The following RIC1 variants were observed in gnomAD, a reference collection of about 807,000 sequenced individuals.
RIC1 encodes RIC1 partner of RAB6A GEF complex.
Under a neutral mutation model 169.0 loss-of-function variants are expected in RIC1, and 88 were observed. The observed-to-expected ratio is 0.52, with a 90% CI of 0.44 to 0.62. RIC1 has a LOEUF of 0.62. Among genes scored for constraint, RIC1 ranks in the 20% least tolerant of loss-of-function variants. RIC1 has a pLI of 0.00. For synonymous variants in RIC1, 790 were observed against 601.5 expected (o/e 1.31, Z -4.59); for missense variants, 1,877 against 1,725.5 (o/e 1.09, Z -1.56).
At chr9:5,723,655 T>A (rs1401890719) in intron 6 of RIC1, among the ~76,000 whole-genome samples, 1 of 152,214 alleles carries the variant, frequency 6.6e-6, no homozygotes, top group African/African-American at 2.4e-5. Context: ...CTGAATGGTA[T>A]TGTCTAGGTT....
chr9:5,701,753 T>C (rs978974508), intron 3 of RIC1, among the ~76,000 whole-genome samples: 2 of 152,196 alleles, frequency 1.3e-5, no homozygotes, highest in African/African-American at 4.8e-5. Flanking sequence ...GCATGTCAAA[T>C]CTATTATCTG....
intron 14 of RIC1, 133 bp downstream of exon 14, chr9:5,753,779 G>T: frequency 2.2e-6 from 1 of 464,516 alleles, no homozygotes; most frequent in African/African-American, 2.0e-5. Context: ...ATAAAAAAGT[G>T]ATATTGAATA....
intron 3 of RIC1, among the ~76,000 whole-genome samples, chr9:5,709,672 G>T (rs1370682652): frequency 1.3e-5 from 2 of 152,086 alleles, no homozygotes; most frequent in Non-Finnish European, 2.9e-5. Context: ...CTCTCTTCCA[G>T]TCATCTGATG....
chr9:5,652,275 C>G (rs958920727), intron 1 of RIC1, among the ~76,000 whole-genome samples: 4 of 152,192 alleles, frequency 2.6e-5, no homozygotes, highest in Non-Finnish European at 4.4e-5. Context: ...GTAGGGATTA[C>G]ATTGGATCTG....
chr9:5,702,250 G>A (rs1822265822), intron 3 of RIC1, among the ~76,000 whole-genome samples: 1 of 152,220 alleles, frequency 6.6e-6, no homozygotes, highest in Non-Finnish European at 1.5e-5. Flanking sequence ...TCTTTGTAAA[G>A]AGAGTAGCAT....
chr9:5,696,974 T>C (rs1821940805), intron 3 of RIC1, among the ~76,000 whole-genome samples: 1 of 152,206 alleles, frequency 6.6e-6, no homozygotes, highest in African/African-American at 2.4e-5. Context: ...TCCTAGGTCT[T>C]TAAGAAGGTC....
chr9:5,716,736 G>A (rs1229315470), intron 4 of RIC1, among the ~76,000 whole-genome samples: 1 of 152,238 alleles, frequency 6.6e-6, no homozygotes, highest in East Asian at 1.9e-4. Flanking sequence ...TTTTCTGAGG[G>A]AGGGGAGTCA....
Position 5,763,196 on chromosome 9 carries a change from G to A in RIC1, c.2169G>A (p.Thr723=), listed in dbSNP as rs774492982. ...AGTCTGTTGAAAATGTCTGGACAAC[G>A]TGTCGAGCAAATAAACAGAAACGTC... The part of the protein sequence containing the change: ...LAQSVENVWT[T]CRANKQKRHL... Residue 723 remains threonine (T), a synonymous_variant, in exon 19 of 26, where the codon ACG becomes ACA. Coordinates refer to ENST00000414202, the MANE Select transcript of RIC1 (RefSeq NM_020829.4). This position sits in a 1 kb window ranked among gnomAD's most constrained non-coding sequence, Gnocchi z 5.2. 24 of 1,614,070 alleles carry A rather than the reference G, an allele frequency of 1.5e-5. 1 individual carries two copies. In the South Asian group the frequency reaches 2.2e-4, roughly 15 times the overall value.
intron 8 of RIC1, 62 bp from the exon 9 acceptor site, chr9:5,742,807 A>AC: frequency 1.3e-5 from 19 of 1,445,048 alleles, no homozygotes; most frequent in Non-Finnish European, 1.8e-5. Flanking sequence ...TGAAAAAAAA[A>AC]AAAAAACAAG....
At chr9:5,643,429 G>A (rs939449974) in intron 1 of RIC1, among the ~76,000 whole-genome samples, 2 of 152,118 alleles carry the variant, frequency 1.3e-5, no homozygotes, top group African/African-American at 4.8e-5. Context: ...AGTAGTTTGA[G>A]CCTAGGAGGT....
intron 3 of RIC1, chr9:5,713,446 C>T (rs1021948182): frequency 1.3e-5 from 2 of 152,490 alleles, no homozygotes; most frequent in Admixed American, 6.5e-5. Flanking sequence ...TTCTGATTCA[C>T]ACCCAAAGAA....
At chr9:5,669,675 G>A (rs947738790) in intron 2 of RIC1, among the ~76,000 whole-genome samples, 20 of 152,244 alleles carry the variant, frequency 1.3e-4, no homozygotes, top group South Asian at 6.2e-4. Flanking sequence ...GGGGACTATC[G>A]CAGTATATAT....
At chr9:5,655,398 T>G (rs945152363) in intron 1 of RIC1, among the ~76,000 whole-genome samples, 8 of 152,094 alleles carry the variant, frequency 5.3e-5, no homozygotes, top group Non-Finnish European at 2.9e-5. Flanking sequence ...CCTCTCAGGT[T>G]CAAGTGATTC....
intron 2 of RIC1, among the ~76,000 whole-genome samples, chr9:5,685,134 A>T (rs1306375214): frequency 2.0e-5 from 3 of 151,722 alleles, no homozygotes; most frequent in African/African-American, 7.3e-5. Context: ...AGAGGATACA[A>T]ACAAATGGAA....
intron 6 of RIC1, among the ~76,000 whole-genome samples, chr9:5,725,575 C>T (rs1387237497): frequency 6.6e-6 from 1 of 152,004 alleles, no homozygotes; most frequent in African/African-American, 2.4e-5. Flanking sequence ...CTGCTCTGAT[C>T]TTAGTTATTT....
At chr9:5,718,477 G>C (rs1823401337) in intron 4 of RIC1, among the ~76,000 whole-genome samples, 1 of 152,180 alleles carries the variant, frequency 6.6e-6, no homozygotes, top group South Asian at 2.1e-4. Context: ...AAACAATACA[G>C]TAAGGAAGAA....
chr9:5,681,053 C>G (rs1820800322), intron 2 of RIC1, among the ~76,000 whole-genome samples: 1 of 151,512 alleles, frequency 6.6e-6, no homozygotes, highest in Non-Finnish European at 1.5e-5. Flanking sequence ...GTCTCGATCT[C>G]CTGACCTCGT....
At chr9:5,727,951 C>T (rs1020002073) in intron 6 of RIC1, among the ~76,000 whole-genome samples, 1 of 152,192 alleles carries the variant, frequency 6.6e-6, no homozygotes, top group Non-Finnish European at 1.5e-5. Context: ...TCAGTTGGCC[C>T]CTAATGGGAG....
At chr9:5,700,567 T>C (rs1822151748) in intron 3 of RIC1, among the ~76,000 whole-genome samples, 1 of 151,630 alleles carries the variant, frequency 6.6e-6, no homozygotes, top group Non-Finnish European at 1.5e-5. Flanking sequence ...CTTACGTATA[T>C]TAATGTATAT....
Sources: gnomAD v4.1 joint callset for allele counts (sites outside exome capture counted in the v4.1 genomes callset) on GRCh38, gnomAD v4.1.1 for gene constraint, Gnocchi (gnomAD v3.1) non-coding constraint, MANE v1.5 for transcripts, NCBI Gene and HGNC (gene_info 2026-07-23, HGNC 2026-07-21) for gene names.